Variants in PLCB1 observed in about 807,000 individuals in gnomAD.
PLCB1 encodes the protein 1-phosphatidylinositol 4,5-bisphosphate phosphodiesterase beta-1.
Under a neutral mutation model 161.8 loss-of-function variants are expected in PLCB1, and 46 were observed. The observed-to-expected ratio is 0.28, with a 90% CI of 0.22 to 0.36. The LOEUF is 0.36. Among genes scored for constraint, PLCB1 ranks in the 10% least tolerant of loss-of-function variants. The probability of loss-of-function intolerance (pLI) is 1.00; values close to 1 mark genes in which losing one functional copy is unlikely to be tolerated. For missense variants in PLCB1, 1,016 were observed against 1,472.5 expected, an observed-to-expected ratio of 0.69 and a Z score of 5.07; for synonymous variants, 517 against 503.7, an observed-to-expected ratio of 1.03 and a Z score of -0.35.
intron 9 of PLCB1, among the ~76,000 whole-genome samples, chr20:8,678,964 A>G (rs1990153133): frequency 6.6e-6 from 1 of 152,202 alleles, no homozygotes; most frequent in South Asian, 2.1e-4. Context: ...GAACTACACT[A>G]AATGAATAGA....
intron 18 of PLCB1, among the ~76,000 whole-genome samples, chr20:8,732,596 A>ATT: frequency 6.9e-6 from 1 of 144,762 alleles, no homozygotes; most frequent in South Asian, 2.1e-4. Flanking sequence ...TGTATTAGAT[A>ATT]GTGTATCATA....
intron 19 of PLCB1, among the ~76,000 whole-genome samples, chr20:8,734,164 T>G (rs892244685): frequency 9.0e-4 from 77 of 85,602 alleles, no homozygotes; most frequent in African/African-American, 2.6e-3. Context: ...AAAAAAAGTT[T>G]TCATAGGCCA....
chr20:8,707,544 T>C (rs1228352783), intron 11 of PLCB1, among the ~76,000 whole-genome samples: 2 of 152,190 alleles, frequency 1.3e-5, no homozygotes, highest in African/African-American at 2.4e-5. Context: ...TGAAATCTGG[T>C]CCTGCATGCA....
intron 3 of PLCB1, among the ~76,000 whole-genome samples, chr20:8,495,571 G>A (rs981224819): frequency 2.1e-5 from 3 of 139,926 alleles, no homozygotes; most frequent in African/African-American, 7.9e-5. Context: ...CTAATTTTTT[G>A]TATTTTTAGT....
At chr20:8,581,698 C>A (rs1420210822) in intron 3 of PLCB1, among the ~76,000 whole-genome samples, 1 of 152,006 alleles carries the variant, frequency 6.6e-6, no homozygotes, top group Non-Finnish European at 1.5e-5. Flanking sequence ...AATGCCAATA[C>A]CAAGAGAGTT....
At chr20:8,743,567 C>G (rs113005593) in intron 23 of PLCB1, among the ~76,000 whole-genome samples, 2 of 152,048 alleles carry the variant, frequency 1.3e-5, no homozygotes, top group Non-Finnish European at 2.9e-5. Flanking sequence ...CTTGCCTCAC[C>G]TCCCTGCAGT....
chr20:8,509,232 A>ACCC (rs1471101461), intron 3 of PLCB1, among the ~76,000 whole-genome samples: 1 of 151,560 alleles, frequency 6.6e-6, no homozygotes, highest in African/African-American at 2.4e-5. Context: ...CTACAGAGTG[A>ACCC]CCCCCCACAA....
At chr20:8,569,179 G>A (rs1472481288) in intron 3 of PLCB1, among the ~76,000 whole-genome samples, 2 of 152,346 alleles carry the variant, frequency 1.3e-5, no homozygotes, top group East Asian at 3.9e-4. Context: ...AGCTTCAGTT[G>A]TTTGCCTCGA....
intron 4 of PLCB1, among the ~76,000 whole-genome samples, chr20:8,640,620 C>T (rs1391443503): frequency 6.6e-6 from 1 of 152,058 alleles, no homozygotes; most frequent in Non-Finnish European, 1.5e-5. Flanking sequence ...ATGAAATCCA[C>T]AAAAATGAAA....
At chr20:8,223,785 A>G (rs1026407057) in intron 2 of PLCB1, among the ~76,000 whole-genome samples, 6 of 152,182 alleles carry the variant, frequency 3.9e-5, no homozygotes, top group Non-Finnish European at 8.8e-5. Context: ...TTTAAAAATG[A>G]ATTTCCCCAA....
At chr20:8,258,044 G>C (rs1236886543) in intron 2 of PLCB1, among the ~76,000 whole-genome samples, 1 of 152,076 alleles carries the variant, frequency 6.6e-6, no homozygotes, top group Non-Finnish European at 1.5e-5. Flanking sequence ...AAAATGCAAT[G>C]AATTACCTAG....
chr20:8,763,867 T>C (rs1982171769), intron 25 of PLCB1, among the ~76,000 whole-genome samples: 1 of 151,812 alleles, frequency 6.6e-6, no homozygotes, highest in Non-Finnish European at 1.5e-5. Context: ...TTTCTCAGCA[T>C]GGGATAAAAA....
In PLCB1 at chr20:8,291,041, GA is replaced by G. The variant is rs201744273; in HGVS notation, c.178-80327del. 9.8e-3 allele frequency among the ~76,000 whole-genome samples: 1,184 copies of G among 120,490 alleles called. 9 individuals are homozygous for G. The highest frequency in any genetic ancestry group is 0.026 in the African/African-American group (852 of 32,318). 79.0% of individuals were successfully genotyped at this position (120,490 alleles called of 152,430 possible). A position where few individuals can be genotyped will look rare whatever the true frequency, so the allele number is the denominator to read the frequency against. ...GACCCTCCAGTAACAATCTTTTTGTGAAAAAAAAAAAAAAGAAATGAGAAAA... is the reference window on the plus strand; with the variant it reads ...GACCCTCCAGTAACAATCTTTTTGTGAAAAAAAAAAAAAGAAATGAGAAAA... On this transcript the variant is annotated intron_variant, in intron 2 of 31. Transcript: ENST00000338037.
chr20:8,293,703 T>TG (rs1204176913), intron 2 of PLCB1, among the ~76,000 whole-genome samples: 2 of 152,184 alleles, frequency 1.3e-5, no homozygotes, highest in Non-Finnish European at 2.9e-5. Flanking sequence ...GAAATTATTT[T>TG]GACCTCAGGG....
intron 3 of PLCB1, among the ~76,000 whole-genome samples, chr20:8,402,028 C>T (rs767100746): frequency 4.9e-4 from 75 of 152,088 alleles, no homozygotes; most frequent in Non-Finnish European, 1.0e-3. Context: ...ACACTGAAAG[C>T]TTCTGTATCT....
chr20:8,868,116 G>A (rs1433274924), intron 31 of PLCB1, among the ~76,000 whole-genome samples: 1 of 151,568 alleles, frequency 6.6e-6, no homozygotes, highest in Non-Finnish European at 1.5e-5. Flanking sequence ...TCTTTTTTAT[G>A]GTATCCGATT....
At chr20:8,353,332 A>T (rs1466188022) in intron 2 of PLCB1, among the ~76,000 whole-genome samples, 2 of 152,178 alleles carry the variant, frequency 1.3e-5, no homozygotes, top group African/African-American at 4.8e-5. Flanking sequence ...CAGTCATTGA[A>T]TGAATAAATA....
At chr20:8,211,230 ATT>A (rs1374905880) in intron 2 of PLCB1, among the ~76,000 whole-genome samples, 6 of 152,020 alleles carry the variant, frequency 3.9e-5, no homozygotes, top group Admixed American at 1.3e-4. Flanking sequence ...ACTTGGCTTT[ATT>A]TTTTAAGGGA....
At chr20:8,738,575 TAAAAA>T in intron 20 of PLCB1, among the ~76,000 whole-genome samples, 1 of 151,128 alleles carries the variant, frequency 6.6e-6, no homozygotes, top group East Asian at 1.9e-4. Context: ...AAACACAAAT[TAAAAA>T]AAAAGAAAAC....
Sources: allele counts gnomAD v4.1 joint callset (sites outside exome capture counted in the v4.1 genomes callset), GRCh38; gene constraint gnomAD v4.1.1; transcripts MANE v1.5; gene names NCBI Gene and HGNC (gene_info 2026-07-23, HGNC 2026-07-21).